PCNT: variants seen among roughly 807,000 people sequenced by gnomAD.
The protein encoded by PCNT is kendrin.
In PCNT, 319 loss-of-function variants were observed where a neutral mutation model predicts 380.4. The ratio of observed to expected loss-of-function variants is 0.84; its 90% confidence interval spans 0.77 to 0.92. The LOEUF (loss-of-function observed/expected upper bound fraction) is 0.92. PCNT is among the 40% of genes least tolerant of loss of function. The pLI is 0.00. For missense variants in PCNT, 4,400 were observed against 4,255.3 expected, an observed-to-expected ratio of 1.03 and a Z score of -0.95; for synonymous variants, 1,845 against 1,735.2, an observed-to-expected ratio of 1.06 and a Z score of -1.57.
In PCNT at chr21:46,388,767, A is replaced by C. The variant is rs1309523214; in HGVS notation, c.3490A>C (p.Arg1164=). 1 of 1,613,884 alleles carries C rather than the reference A, an allele frequency of 6.2e-7. No homozygotes were observed. Among genetic ancestry groups the C allele is most frequent in the Non-Finnish European group, 8.5e-7 (1 of 1,179,970 alleles). The change falls in exon 18 of 47, where the codon AGG becomes CGG. Residue 1164 remains arginine, a synonymous_variant. Transcript: ENST00000359568. This position sits in a 1 kb window ranked among gnomAD's most constrained non-coding sequence, Gnocchi z 4.2. ...AGGGGCCCTCCAGGACGCCCTGCGC[A>C]GGCTGCTGGGTTTGTTTGGAGAGAC... ...ERGALQDALR[R]LLGLFGETLR...
At chr21:46,394,458 G>T in intron 21 of PCNT, 1 of 926,354 alleles carries the variant, frequency 1.1e-6, no homozygotes, top group Non-Finnish European at 1.3e-6. Context: ...ATTCTCAGCT[G>T]CACGTTTCTG....
At chr21:46,368,402 C>T (rs942592838) in intron 15 of PCNT, among the ~76,000 whole-genome samples, 6 of 151,434 alleles carry the variant, frequency 4.0e-5, no homozygotes, top group Non-Finnish European at 7.4e-5. Context: ...GATCCGAGAT[C>T]GCACCAGTGC....
intron 1 of PCNT, among the ~76,000 whole-genome samples, chr21:46,324,652 C>T (rs765350719): frequency 5.3e-4 from 80 of 151,454 alleles, no homozygotes; most frequent in Non-Finnish European, 1.0e-3. Context: ...CGTGGCTGCA[C>T]GGAGGGGGTG....
intron 11 of PCNT, 32 bp downstream of exon 11, chr21:46,354,100 T>C: frequency 6.3e-7 from 1 of 1,575,978 alleles, no homozygotes; most frequent in Non-Finnish European, 8.7e-7. Context: ...AGTGGGGGAG[T>C]CCTGTGCTCT....
intron 15 of PCNT, among the ~76,000 whole-genome samples, chr21:46,367,361 G>A (rs1249797055): frequency 1.3e-5 from 2 of 148,930 alleles, no homozygotes; most frequent in African/African-American, 4.9e-5. Flanking sequence ...AGGCTGGAGT[G>A]CAGTGGCGCA....
intron 41 of PCNT, 64 bp downstream of exon 41, chr21:46,438,401 ACC>A: frequency 6.7e-7 from 1 of 1,485,320 alleles, no homozygotes; most frequent in South Asian, 1.1e-5. Flanking sequence ...GAGCAGCTCC[ACC>A]CCACAAGAGG....
chr21:46,355,647 C>G, intron 12 of PCNT, 21 bp downstream of exon 12: 1 of 1,612,360 alleles, frequency 6.2e-7, no homozygotes, highest in Non-Finnish European at 8.5e-7. Flanking sequence ...CCCGCCTCGC[C>G]ATGGTGTCGG....
At chr21:46,440,800 C>A in intron 42 of PCNT, 55 bp from the exon 43 acceptor site, 1 of 1,087,856 alleles carries the variant, frequency 9.2e-7, no homozygotes. Flanking sequence ...GTGCTTTTGT[C>A]AGCAAGACAG....
intron 16 of PCNT, among the ~76,000 whole-genome samples, chr21:46,383,152 A>C (rs190859401): frequency 8.8e-5 from 13 of 148,432 alleles, no homozygotes; most frequent in Non-Finnish European, 1.6e-4. Context: ...TTGTGCATTC[A>C]GTGGCGGAAG....
chr21:46,339,172 T>C (rs1356707759), intron 3 of PCNT, among the ~76,000 whole-genome samples: 1 of 152,188 alleles, frequency 6.6e-6, no homozygotes, highest in Non-Finnish European at 1.5e-5. Context: ...CACCTCGGCC[T>C]CCCAAAGTGC....
At position 46,381,800 on chromosome 21, in the gene PCNT, T is replaced by G; in HGVS notation, c.3272T>G (p.Leu1091Trp). The G allele has an allele frequency of 6.2e-7, 1 of 1,614,240 alleles. No individual in the cohort carries two copies. The highest frequency in any genetic ancestry group is 8.5e-7 in the Non-Finnish European group (1 of 1,180,036). ...QPFHQEEKES[L>W]SLQLQKKNHQ... ...TTTCACCAAGAGGAGAAAGAGTCTT[T>G]GTCTCTGCAGCTTCAAAAGAAGAAT... Residue 1091 changes from leucine to tryptophan, a missense_variant, in exon 16 of 47, where the codon TTG becomes TGG. Leu to Trp is a moderately conservative substitution (Grantham distance 61, BLOSUM62 -2). Transcript: ENST00000359568.
intron 13 of PCNT, among the ~76,000 whole-genome samples, chr21:46,362,386 C>G (rs1420148059): frequency 6.6e-6 from 1 of 152,156 alleles, no homozygotes; most frequent in East Asian, 1.9e-4. Context: ...TTCTGAATGT[C>G]CAGCCCTCTG....
At chr21:46,351,162 C>T (rs1311927095) in intron 8 of PCNT, among the ~76,000 whole-genome samples, 2 of 152,148 alleles carry the variant, frequency 1.3e-5, no homozygotes, top group Non-Finnish European at 2.9e-5. Context: ...GGAACCTGGC[C>T]GTGCCACCTC....
In PCNT at chr21:46,381,693, G is replaced by T; in HGVS notation, c.3166-1G>T. 6.2e-7 allele frequency: 1 copy of T among 1,613,142 alleles called. No homozygotes were observed. The stretch of plus-strand genomic sequence containing the variant: ...TTTTTTATTGTTATTGATGTGTACA[G>T]GGTGAATTTGGAAGTGAAAAGAAAA... On this transcript the variant is annotated splice_acceptor_variant, in intron 15 of 46. Transcript: ENST00000359568. LOFTEE classifies it high-confidence loss of function.
chr21:46,359,511 A>T (rs1162968964), intron 13 of PCNT, among the ~76,000 whole-genome samples: 4 of 42,260 alleles, frequency 9.5e-5, no homozygotes, highest in African/African-American at 1.8e-4. Flanking sequence ...TTTTTTTGAG[A>T]CAGTGTCTCA....
chr21:46,328,325 C>T (rs546668189), intron 2 of PCNT, among the ~76,000 whole-genome samples: 4 of 151,358 alleles, frequency 2.6e-5, no homozygotes, highest in South Asian at 2.1e-4. Flanking sequence ...CGCAGTGACG[C>T]GAACTCTGCT....
At chr21:46,421,615 G>A (rs369279540) in intron 31 of PCNT, among the ~76,000 whole-genome samples, 3 of 152,192 alleles carry the variant, frequency 2.0e-5, no homozygotes, top group South Asian at 2.1e-4. Context: ...TGCAGGCCCC[G>A]CACGTCCCGC....
chr21:46,423,827 G>A (rs1358202977), intron 32 of PCNT, among the ~76,000 whole-genome samples: 1 of 129,650 alleles, frequency 7.7e-6, no homozygotes, highest in African/African-American at 2.9e-5. Flanking sequence ...GGGAGGAGGG[G>A]GAGGGGGAGG....
chr21:46,337,669 G>T (rs1049778271), intron 3 of PCNT, among the ~76,000 whole-genome samples: 1 of 152,130 alleles, frequency 6.6e-6, no homozygotes. Context: ...CGCAATCTCC[G>T]CTTCCCGGAT....
Sources: allele counts gnomAD v4.1 joint callset (sites outside exome capture counted in the v4.1 genomes callset), GRCh38; gene constraint gnomAD v4.1.1; non-coding constraint Gnocchi (gnomAD v3.1); transcripts MANE v1.5; gene names NCBI Gene and HGNC (gene_info 2026-07-23, HGNC 2026-07-21).